The following STXBP5L variants were observed in gnomAD, a reference collection of about 807,000 sequenced individuals.
STXBP5L encodes the protein syntaxin-binding protein 5-like.
In STXBP5L, 65 loss-of-function variants were observed where a neutral mutation model predicts 144.5. That is an observed-to-expected ratio of 0.45 (90% confidence interval 0.37 to 0.55). STXBP5L has a LOEUF of 0.55. STXBP5L is among the 20% of genes least tolerant of loss of function. The pLI, the probability that STXBP5L is intolerant of heterozygous loss-of-function variation, is 0.00. For missense variants in STXBP5L, 1,298 were observed against 1,405.5 expected (o/e 0.92, Z 1.22); for synonymous variants, 505 against 469.6 (o/e 1.08, Z -0.97).
At chr3:121,123,230 G>T (rs574859329) in intron 7 of STXBP5L, among the ~76,000 whole-genome samples, 1 of 151,552 alleles carries the variant, frequency 6.6e-6, no homozygotes, top group East Asian at 1.9e-4. Flanking sequence ...CTGGGAAATA[G>T]CCATCTAAAT....
intron 2 of STXBP5L, among the ~76,000 whole-genome samples, chr3:120,951,689 A>G (rs1711240153): frequency 6.6e-6 from 1 of 151,606 alleles, no homozygotes; most frequent in African/African-American, 2.4e-5. Flanking sequence ...AAATAGGAAC[A>G]CTTTTACACT....
chr3:121,019,832 A>T (rs1184590809), intron 3 of STXBP5L, among the ~76,000 whole-genome samples: 1 of 152,204 alleles, frequency 6.6e-6, no homozygotes, highest in Admixed American at 6.5e-5. Context: ...AAGAAACTGG[A>T]AACACAATTC....
intron 20 of STXBP5L, among the ~76,000 whole-genome samples, chr3:121,333,306 CAAG>C (rs2044388980): frequency 6.6e-6 from 1 of 152,066 alleles, no homozygotes; most frequent in South Asian, 2.1e-4. Context: ...AGGCAGAAAT[CAAG>C]AAGTTCTTTG....
chr3:121,077,695 G>A (rs1478177029), intron 5 of STXBP5L, among the ~76,000 whole-genome samples: 1 of 152,086 alleles, frequency 6.6e-6, no homozygotes, highest in Non-Finnish European at 1.5e-5. Context: ...GTTTTGACCG[G>A]GTGCTGATTG....
chr3:120,917,054 G>A (rs1709137415), intron 2 of STXBP5L, among the ~76,000 whole-genome samples: 1 of 152,136 alleles, frequency 6.6e-6, no homozygotes, highest in South Asian at 2.1e-4. Context: ...GAGAAGAACC[G>A]AGCAGAATAA....
chr3:121,234,322 T>A (rs574845254), intron 12 of STXBP5L, among the ~76,000 whole-genome samples: 1 of 152,286 alleles, frequency 6.6e-6, no homozygotes, highest in East Asian at 1.9e-4. Flanking sequence ...TTGTAAGTTG[T>A]CTCTCCTTGG....
intron 19 of STXBP5L, 100 bp from the exon 20 acceptor site, chr3:121,318,375 A>T: frequency 1.4e-6 from 1 of 693,898 alleles, no homozygotes; most frequent in Non-Finnish European, 2.3e-6. Flanking sequence ...AGTAGTTTTC[A>T]CATAAAAAAA....
intron 5 of STXBP5L, among the ~76,000 whole-genome samples, chr3:121,090,764 A>AT (rs57323041): frequency 4.0e-5 from 6 of 150,088 alleles, no homozygotes; most frequent in African/African-American, 1.2e-4. Context: ...GATGGTATGA[A>AT]TTTTTTTTAT....
intron 5 of STXBP5L, among the ~76,000 whole-genome samples, chr3:121,060,015 A>G (rs1167255400): frequency 1.3e-5 from 2 of 152,172 alleles, no homozygotes; most frequent in Non-Finnish European, 2.9e-5. Context: ...TATGTTGAAT[A>G]GGAGTGGTGA....
intron 5 of STXBP5L, among the ~76,000 whole-genome samples, chr3:121,067,036 C>G (rs1042100886): frequency 1.3e-5 from 2 of 151,868 alleles, no homozygotes; most frequent in African/African-American, 4.8e-5. Context: ...TTTTCAATTC[C>G]TAATATTGGT....
chr3:121,217,181 G>C (rs1274695366), intron 10 of STXBP5L, among the ~76,000 whole-genome samples: 1 of 152,104 alleles, frequency 6.6e-6, no homozygotes, highest in Non-Finnish European at 1.5e-5. Context: ...CCCTTTCCTG[G>C]GAAGTGAATG....
At chr3:121,353,189 G>A (rs1324468311) in intron 20 of STXBP5L, among the ~76,000 whole-genome samples, 1 of 152,100 alleles carries the variant, frequency 6.6e-6, no homozygotes, top group Non-Finnish European at 1.5e-5. Flanking sequence ...GCATGATGTT[G>A]GCCTCATAAA....
At chr3:120,980,963 C>T (rs1941708457) in intron 3 of STXBP5L, among the ~76,000 whole-genome samples, 1 of 151,964 alleles carries the variant, frequency 6.6e-6, no homozygotes, top group African/African-American at 2.4e-5. Flanking sequence ...ATTAATGAAG[C>T]TTAATTTAGC....
intron 3 of STXBP5L, among the ~76,000 whole-genome samples, chr3:120,997,151 A>G (rs1943416791): frequency 6.6e-6 from 1 of 152,094 alleles, no homozygotes; most frequent in Non-Finnish European, 1.5e-5. Flanking sequence ...ATAATTTTCC[A>G]TGGTGTATAT....
At chr3:121,361,997 T>C (rs1470565903) in intron 20 of STXBP5L, among the ~76,000 whole-genome samples, 2 of 152,234 alleles carry the variant, frequency 1.3e-5, no homozygotes, top group Non-Finnish European at 2.9e-5. Flanking sequence ...GTATCTGCTT[T>C]GGGGGCACCC....
intron 9 of STXBP5L, among the ~76,000 whole-genome samples, chr3:121,197,914 G>A (rs535813017): frequency 6.6e-6 from 1 of 152,266 alleles, no homozygotes; most frequent in South Asian, 2.1e-4. Context: ...ATTTGGGTTG[G>A]TTCCAAGTTT....
chr3:120,984,670 C>A (rs553587943), intron 3 of STXBP5L, among the ~76,000 whole-genome samples: 223 of 101,084 alleles, frequency 2.2e-3, no homozygotes, highest in African/African-American at 9.5e-3. Context: ...ATTGCTCTGG[C>A]TAGAACTTCT....
At chr3:121,051,254 C>T (rs1434301799) in intron 5 of STXBP5L, among the ~76,000 whole-genome samples, 1 of 152,054 alleles carries the variant, frequency 6.6e-6, no homozygotes, top group Admixed American at 6.5e-5. Context: ...ATCTACAGAA[C>T]TCTCCACCCC....
At position 121,283,468 on chromosome 3, in the gene STXBP5L, A is replaced by G. The variant is rs145611258; in HGVS notation, c.2110+3512A>G. On this transcript the variant is annotated intron_variant, in intron 19 of 26. Transcript: ENST00000471454. ...TGTTGCTGTGTGCGAGAATATTGGT[A>G]TCTATGTTGGCTTCTGCTGCTCCTA... Among the ~76,000 whole-genome samples the G allele has an allele frequency of 1.7e-3, 258 of 152,064 alleles. 1 individual carries two copies. Among genetic ancestry groups the G allele is most frequent in the African/African-American group, 5.9e-3 (246 of 41,512 alleles).
Sources: allele counts gnomAD v4.1 joint callset (sites outside exome capture counted in the v4.1 genomes callset), GRCh38; gene constraint gnomAD v4.1.1; transcripts MANE v1.5; gene names NCBI Gene and HGNC (gene_info 2026-07-23, HGNC 2026-07-21).